NR5A1: variants seen among roughly 807,000 people sequenced by gnomAD.
The protein encoded by NR5A1 is nuclear receptor subfamily 5 group A member 1.
NR5A1 carries 6 observed loss-of-function variants against 42.7 expected under a neutral mutation model. The ratio of observed to expected loss-of-function variants is 0.14; its 90% CI spans 0.08 to 0.28. The LOEUF is 0.28. Among genes scored for constraint, NR5A1 ranks in the 10% least tolerant of loss-of-function variants. NR5A1 has a pLI of 1.00. For synonymous variants in NR5A1, 274 were observed against 277.5 expected (o/e 0.99, Z 0.12); for missense variants, 442 against 626.4 (o/e 0.71, Z 3.14).
At chr9:124,505,352 G>T (rs1476044282) in intron 1 of NR5A1, among the ~76,000 whole-genome samples, 2 of 152,230 alleles carry the variant, frequency 1.3e-5, no homozygotes, top group Non-Finnish European at 2.9e-5. Context: ...AAGGGCGAGT[G>T]GCGACCGTGG....
In NR5A1 at chr9:124,489,152, G is replaced by A. The variant is rs186781381; in HGVS notation, c.1138+1929C>T. On this transcript the variant is annotated intron_variant, in intron 6 of 6. Coordinates refer to ENST00000373588, the MANE Select transcript of NR5A1 (RefSeq NM_004959.5). ...CAGGGCTTTGGTGGGAAGAGGGGCT[G>A]GGGGCCAAGACAATGTCCCTGCCCT... Among the ~76,000 whole-genome samples, 23 of 152,362 alleles carry A rather than the reference G, an allele frequency of 1.5e-4. No homozygotes were observed. The East Asian group carries it at 3.9e-3, about 26-fold the overall frequency.
Position 124,503,729 on chromosome 9 carries a change from C to T in NR5A1, c.-15-319G>A, listed in dbSNP as rs1262479126. Among the ~76,000 whole-genome samples, 1 of 152,234 alleles carries T rather than the reference C, an allele frequency of 6.6e-6. No individual in the cohort carries two copies. Among genetic ancestry groups the T allele is most frequent in the African/African-American group, 2.4e-5 (1 of 41,468 alleles). ...GGGATTCGTTTGTCTGAGAACAAAA[C>T]CCCGATTCTGAGAAAAAGAGATGGG... is the stretch of plus-strand genomic sequence containing the variant. On this transcript the variant is annotated intron_variant, in intron 1 of 6. Coordinates refer to ENST00000373588, the MANE Select transcript of NR5A1 (RefSeq NM_004959.5). The surrounding 1 kb of genome is among the most constrained non-coding windows in gnomAD (Gnocchi z 9.6).
intron 6 of NR5A1, among the ~76,000 whole-genome samples, chr9:124,484,696 G>A (rs1832181878): frequency 6.6e-6 from 1 of 152,138 alleles, no homozygotes; most frequent in African/African-American, 2.4e-5. Context: ...GGTGGTTGCT[G>A]TGAGCCGAGA....
chr9:124,501,983 T>C lies in NR5A1; in HGVS notation c.244+1096A>G, dbSNP rs932242370. On this transcript the variant is annotated intron_variant, in intron 3 of 6. Coordinates refer to ENST00000373588, the MANE Select transcript of NR5A1 (RefSeq NM_004959.5). The surrounding 1 kb of genome is among the most constrained non-coding windows in gnomAD (Gnocchi z 4.1). ...GGAGGCAAAGAGGGGCCTGGGTTTC[T>C]TGGGGGCAATTCAATTGTCCCCCAC... 3.3e-5 allele frequency among the ~76,000 whole-genome samples: 5 copies of C among 152,200 alleles called. No homozygotes were observed. Among genetic ancestry groups the C allele is most frequent in the African/African-American group, 1.2e-4 (5 of 41,446 alleles).
Position 124,482,699 on chromosome 9 carries a change from CCCG to C in NR5A1, c.*56_*58del. ...GCGGAGCCAGCGGTGTGGCTGCGGC[CCCG>C]CCCAGGCCCCGCCCCCAGTCCCGCC... is the stretch of plus-strand genomic sequence containing the variant. On this transcript the variant is annotated 3_prime_UTR_variant, in exon 7 of 7. Transcript: ENST00000373588. 1 of 713,000 alleles carries C rather than the reference CCCG, an allele frequency of 1.4e-6. No homozygotes were observed. Among genetic ancestry groups the C allele is most frequent in the South Asian group, 1.5e-5 (1 of 66,280 alleles). 44.2% of individuals were successfully genotyped at this position (713,000 alleles called of 1,614,324 possible). A position where few individuals can be genotyped will look rare whatever the true frequency, so the allele number is the denominator to read the frequency against.
At position 124,503,401 on chromosome 9, in the gene NR5A1, C is replaced by A; in HGVS notation, c.-6G>T. On this transcript the variant is annotated 5_prime_UTR_variant, in exon 2 of 7. Transcript: ENST00000373588. The surrounding 1 kb of genome is among the most constrained non-coding windows in gnomAD (Gnocchi z 9.6). ...TCGTCGTACGAATAGTCCATGCCCG[C>A]GGCGTCCGCCTGCGGAGGGACAGCG... The A allele has an allele frequency of 6.2e-7, 1 of 1,604,898 alleles. No homozygotes were observed. Among genetic ancestry groups the A allele is most frequent in the Non-Finnish European group, 8.5e-7 (1 of 1,176,762 alleles).
intron 6 of NR5A1, among the ~76,000 whole-genome samples, chr9:124,487,331 C>T (rs1433240026): frequency 6.6e-6 from 1 of 152,260 alleles, no homozygotes; most frequent in Non-Finnish European, 1.5e-5. Context: ...TTCAGGCCGC[C>T]TTTTGTTGGC....
chr9:124,485,852 C>T (rs1048371447), intron 6 of NR5A1, among the ~76,000 whole-genome samples: 32 of 152,246 alleles, frequency 2.1e-4, no homozygotes, highest in Middle Eastern at 3.4e-3. Flanking sequence ...GCCTTCGCTC[C>T]CCACCATCCT....
At chr9:124,486,201 C>T (rs984143435) in intron 6 of NR5A1, among the ~76,000 whole-genome samples, 1 of 152,118 alleles carries the variant, frequency 6.6e-6, no homozygotes, top group Non-Finnish European at 1.5e-5. Context: ...TGGAAACCCC[C>T]GACTGCCCCC....
At chr9:124,502,955 C>T in intron 3 of NR5A1, 124 bp downstream of exon 3, 1 of 1,327,976 alleles carries the variant, frequency 7.5e-7, no homozygotes, top group Non-Finnish European at 1.0e-6. Flanking sequence ...CGACTGGGCC[C>T]TAATGTCGCA....
rs1387667003 is a variant in NR5A1, at chr9:124,498,704, A to T, written c.870+1386T>A. Among the ~76,000 whole-genome samples the T allele has an allele frequency of 2.0e-5, 3 of 152,212 alleles. No individual in the cohort carries two copies. The highest frequency in any genetic ancestry group is 7.2e-5 in the African/African-American group (3 of 41,456). ...CAAGACCCTGCCTTTTGCCTCATCCATTAGGTCGGACCAGAGAGGCGGGCA... is the reference window on the plus strand; with the variant it reads ...CAAGACCCTGCCTTTTGCCTCATCCTTTAGGTCGGACCAGAGAGGCGGGCA... On this transcript the variant is annotated intron_variant, in intron 4 of 6. Coordinates refer to ENST00000373588, the MANE Select transcript of NR5A1 (RefSeq NM_004959.5). This position sits in a 1 kb window ranked among gnomAD's most constrained non-coding sequence, Gnocchi z 4.6.
In NR5A1 at chr9:124,482,935, G is replaced by A; in HGVS notation, c.1209C>T (p.Asp403=). The A allele has an allele frequency of 6.2e-7, 1 of 1,614,200 alleles. No homozygotes were observed. Among genetic ancestry groups the A allele is most frequent in the Non-Finnish European group, 8.5e-7 (1 of 1,180,050 alleles). ...AQEKANAALL[D]YTLCHYPHCG... is the part of the protein sequence containing the mutation. ...AGTGCGGGTAGTGGCACAGGGTGTA[G>A]TCAAGCAGGGCGGCGTTGGCCTTCT... The change falls in exon 7 of 7, where the codon GAC becomes GAT. Residue 403 remains aspartate, a synonymous_variant. Coordinates refer to ENST00000373588, the MANE Select transcript of NR5A1 (RefSeq NM_004959.5).
At chr9:124,492,458 T>C (rs1266980652) in intron 5 of NR5A1, among the ~76,000 whole-genome samples, 2 of 152,054 alleles carry the variant, frequency 1.3e-5, no homozygotes, top group Admixed American at 6.5e-5. Context: ...TTCCCTGCTC[T>C]AAGGGGGCCC....
intron 1 of NR5A1, among the ~76,000 whole-genome samples, chr9:124,506,163 T>G (rs1832556345): frequency 1.3e-5 from 2 of 152,200 alleles, no homozygotes; most frequent in Non-Finnish European, 2.9e-5. Flanking sequence ...CGCACTCAGC[T>G]GGCTCACCCA....
intron 1 of NR5A1, among the ~76,000 whole-genome samples, chr9:124,505,582 C>T (rs1832544422): frequency 6.6e-6 from 1 of 152,332 alleles, no homozygotes; most frequent in Admixed American, 6.5e-5. Flanking sequence ...CGCTCAGTGG[C>T]GCCCCTCTGG....
chr9:124,489,636 C>A (rs138861142), intron 6 of NR5A1, among the ~76,000 whole-genome samples: 32 of 152,242 alleles, frequency 2.1e-4, no homozygotes, highest in African/African-American at 7.5e-4. Context: ...GGTGCCGTTG[C>A]GGGCAGAGGT....
In NR5A1 at chr9:124,500,827, C is replaced by T; in HGVS notation, c.245-112G>A. On this transcript the variant is annotated intron_variant, in intron 3 of 6. Transcript: ENST00000373588. The surrounding 1 kb of genome is among the most constrained non-coding windows in gnomAD (Gnocchi z 6.9). Reference sequence around the variant, plus strand: ...ACCGCTCTCTCCCCTGCTCAACACCCTTTCATGGCTCCCACTGACCACAGG... The same window carrying T: ...ACCGCTCTCTCCCCTGCTCAACACCTTTTCATGGCTCCCACTGACCACAGG... 1.3e-6 allele frequency: 2 copies of T among 1,526,236 alleles called. No homozygotes were observed. The highest frequency in any genetic ancestry group is 1.8e-6 in the Non-Finnish European group (2 of 1,106,458). The allele number at this position is 1,526,236 out of a possible 1,614,324, so 94.5% of individuals were successfully genotyped here.
Position 124,498,889 on chromosome 9 carries a change from G to A in NR5A1, c.870+1201C>T, listed in dbSNP as rs1337567045. 6.6e-6 allele frequency among the ~76,000 whole-genome samples: 1 copy of A among 152,176 alleles called. No individual in the cohort carries two copies. Among genetic ancestry groups the A allele is most frequent in the East Asian group, 1.9e-4 (1 of 5,186 alleles). On this transcript the variant is annotated intron_variant, in intron 4 of 6. Coordinates refer to ENST00000373588, the MANE Select transcript of NR5A1 (RefSeq NM_004959.5). This position sits in a 1 kb window ranked among gnomAD's most constrained non-coding sequence, Gnocchi z 4.6. ...AGGCCCCAGTCCCGCGATGCCCCTA[G>A]GGCTCGGAGCACCCACCCCCACCTA...
At chr9:124,487,338 T>C (rs1466532652) in intron 6 of NR5A1, among the ~76,000 whole-genome samples, 2 of 152,254 alleles carry the variant, frequency 1.3e-5, no homozygotes, top group Non-Finnish European at 2.9e-5. Flanking sequence ...CGCCTTTTGT[T>C]GGCGCGGAGC....
Sources: gnomAD v4.1 joint callset for allele counts (sites outside exome capture counted in the v4.1 genomes callset) on GRCh38, gnomAD v4.1.1 for gene constraint, Gnocchi (gnomAD v3.1) non-coding constraint, MANE v1.5 for transcripts, NCBI Gene and HGNC (gene_info 2026-07-23, HGNC 2026-07-21) for gene names.